The following ROBO2 variants were observed in gnomAD, a reference collection of about 807,000 sequenced individuals.
ROBO2 encodes roundabout guidance receptor 2, also known as roundabout homolog 2.
In ROBO2, 53 loss-of-function variants were observed where a neutral mutation model predicts 160.8. The observed-to-expected ratio is 0.33, with a 90% CI of 0.26 to 0.41. The LOEUF (loss-of-function observed/expected upper bound fraction) is 0.41, where lower values mean the gene tolerates loss of function less well. ROBO2 is among the 10% of genes least tolerant of loss of function. The pLI, the probability that ROBO2 is intolerant of heterozygous loss-of-function variation, is 1.00. For missense variants in ROBO2, 1,577 were observed against 1,722.4 expected (o/e 0.92, Z 1.49); for synonymous variants, 664 against 611.7 (o/e 1.09, Z -1.26).
chr3:77,343,656 G>T (rs1243737504), intron 2 of ROBO2, among the ~76,000 whole-genome samples: 1 of 152,156 alleles, frequency 6.6e-6, no homozygotes, highest in Admixed American at 6.6e-5. Context: ...TGTGTCAAGT[G>T]CTTAATATAA....
intron 2 of ROBO2, among the ~76,000 whole-genome samples, chr3:76,545,919 A>G (rs1450637483): frequency 6.6e-6 from 1 of 151,836 alleles, no homozygotes; most frequent in Non-Finnish European, 1.5e-5. Flanking sequence ...GTATATTTCC[A>G]TGTTCTGAAA....
At chr3:76,288,186 A>G (rs997632938) in intron 2 of ROBO2, among the ~76,000 whole-genome samples, 2 of 151,942 alleles carry the variant, frequency 1.3e-5, no homozygotes, top group Admixed American at 6.6e-5. Flanking sequence ...AATGAAGTTG[A>G]TCAAAGAAAC....
At chr3:76,683,267 T>G (rs1261457368) in intron 2 of ROBO2, among the ~76,000 whole-genome samples, 1 of 152,060 alleles carries the variant, frequency 6.6e-6, no homozygotes, top group African/African-American at 2.4e-5. Context: ...AGACACTTAT[T>G]GAGAAATTGA....
intron 8 of ROBO2, among the ~76,000 whole-genome samples, chr3:77,556,717 AC>A (rs2153657783): frequency 6.6e-6 from 1 of 152,038 alleles, no homozygotes; most frequent in Admixed American, 6.6e-5. Flanking sequence ...TTTTTGAGAA[AC>A]AACAGTTTAT....
intron 2 of ROBO2, among the ~76,000 whole-genome samples, chr3:76,185,213 TATAC>T (rs1336131185): frequency 4.8e-5 from 4 of 82,924 alleles, no homozygotes; most frequent in Non-Finnish European, 1.2e-4. Context: ...TATATATATA[TATAC>T]ACACACAAAG....
At chr3:76,367,324 T>G (rs1391393609) in intron 2 of ROBO2, among the ~76,000 whole-genome samples, 1 of 152,030 alleles carries the variant, frequency 6.6e-6, no homozygotes. Context: ...TATACACAAA[T>G]TTTCATCCTC....
At chr3:76,263,618 A>C (rs1706908671) in intron 2 of ROBO2, among the ~76,000 whole-genome samples, 1 of 152,166 alleles carries the variant, frequency 6.6e-6, no homozygotes, top group African/African-American at 2.4e-5. Context: ...TTGAACAAGT[A>C]ATGAAAACTT....
At chr3:76,414,038 A>G (rs1488146041) in intron 2 of ROBO2, among the ~76,000 whole-genome samples, 3 of 151,808 alleles carry the variant, frequency 2.0e-5, no homozygotes, top group Admixed American at 6.6e-5. Context: ...GCAAGAGAAA[A>G]TGAGGAAGAA....
intron 2 of ROBO2, among the ~76,000 whole-genome samples, chr3:76,980,587 T>C (rs1458478633): frequency 6.6e-6 from 1 of 152,178 alleles, no homozygotes; most frequent in Non-Finnish European, 1.5e-5. Context: ...TCTTAATATA[T>C]TGACAACTTG....
chr3:76,716,659 A>T (rs565593884), intron 2 of ROBO2, among the ~76,000 whole-genome samples: 102 of 152,222 alleles, frequency 6.7e-4, no homozygotes, highest in Admixed American at 2.0e-3. Context: ...TTGTTTACCT[A>T]GCAGCTTGAG....
chr3:76,673,367 C>G (rs992564565), intron 2 of ROBO2, among the ~76,000 whole-genome samples: 1 of 152,030 alleles, frequency 6.6e-6, no homozygotes, highest in Non-Finnish European at 1.5e-5. Flanking sequence ...TCTGGCCAGG[C>G]AGTGGTGGGT....
At chr3:77,240,614 G>T (rs1395307458) in intron 2 of ROBO2, among the ~76,000 whole-genome samples, 1 of 152,182 alleles carries the variant, frequency 6.6e-6, no homozygotes, top group Admixed American at 6.5e-5. Flanking sequence ...AGTGAGCAAG[G>T]GCCACCAGCA....
intron 2 of ROBO2, among the ~76,000 whole-genome samples, chr3:76,660,165 T>C (rs1311867969): frequency 6.6e-6 from 1 of 152,176 alleles, no homozygotes; most frequent in Non-Finnish European, 1.5e-5. Context: ...AATTTTAAAA[T>C]TGGATGTGCA....
At chr3:77,432,614 A>G (rs991645199) in intron 2 of ROBO2, among the ~76,000 whole-genome samples, 1 of 152,142 alleles carries the variant, frequency 6.6e-6, no homozygotes, top group Non-Finnish European at 1.5e-5. Context: ...CATATTGTCT[A>G]TGGCTGCTTT....
chr3:77,397,938 A>T (rs1296045888), intron 2 of ROBO2, among the ~76,000 whole-genome samples: 1 of 152,174 alleles, frequency 6.6e-6, no homozygotes, highest in Non-Finnish European at 1.5e-5. Flanking sequence ...GAAGAGACAT[A>T]AAAATAAAGA....
At chr3:76,030,417 TGTTTTA>T (rs1287632809) in intron 2 of ROBO2, among the ~76,000 whole-genome samples, 1 of 152,202 alleles carries the variant, frequency 6.6e-6, no homozygotes, top group Non-Finnish European at 1.5e-5. Context: ...TTGCTTTTGG[TGTTTTA>T]GTCATGAAGT....
chr3:76,803,337 A>AAGG (rs920912245), intron 2 of ROBO2, among the ~76,000 whole-genome samples: 4 of 151,786 alleles, frequency 2.6e-5, no homozygotes, highest in African/African-American at 4.8e-5. Flanking sequence ...CTAACCTGAA[A>AAGG]AGGAGGAGGA....
At chr3:77,093,282 C>T (rs539163920) in intron 1 of ROBO2, among the ~76,000 whole-genome samples, 9 of 152,214 alleles carry the variant, frequency 5.9e-5, no homozygotes, top group African/African-American at 2.2e-4. Context: ...TTGAGGGGCT[C>T]ACACTTTAGA....
chr3:76,202,093 C>G (rs1229953807), intron 2 of ROBO2, among the ~76,000 whole-genome samples: 1 of 152,086 alleles, frequency 6.6e-6, no homozygotes, highest in African/African-American at 2.4e-5. Context: ...CTCATCTCTA[C>G]TCCCCTGAAA....
Sources: gnomAD v4.1 joint callset for allele counts (sites outside exome capture counted in the v4.1 genomes callset) on GRCh38, gnomAD v4.1.1 for gene constraint, MANE v1.5 for transcripts, NCBI Gene and HGNC (gene_info 2026-07-23, HGNC 2026-07-21) for gene names.